Variants in DIPK1A observed in about 807,000 individuals in gnomAD.
DIPK1A encodes the protein family with sequence similarity 69 member A.
In DIPK1A, 27 loss-of-function variants were observed where a neutral mutation model predicts 40.8. That is an observed-to-expected ratio of 0.66 (90% confidence interval 0.49 to 0.91). The LOEUF (loss-of-function observed/expected upper bound fraction) is 0.91. DIPK1A is among the 40% of genes least tolerant of loss of function. The probability of loss-of-function intolerance (pLI) is 0.00; values close to 1 mark genes in which losing one functional copy is unlikely to be tolerated. For synonymous variants in DIPK1A, 166 were observed against 171.3 expected (o/e 0.97, Z 0.24); for missense variants, 412 against 505.7 (o/e 0.81, Z 1.78).
intron 2 of DIPK1A, among the ~76,000 whole-genome samples, chr1:92,859,811 C>G (rs1478319457): frequency 6.6e-6 from 1 of 152,190 alleles, no homozygotes; most frequent in Non-Finnish European, 1.5e-5. Flanking sequence ...TCAAGCAATC[C>G]TCCCACCTCA....
chr1:92,891,751 T>A (rs1043197118), intron 1 of DIPK1A, among the ~76,000 whole-genome samples: 4 of 152,184 alleles, frequency 2.6e-5, no homozygotes, highest in African/African-American at 9.7e-5. Flanking sequence ...GGGAATTCCC[T>A]TTCCTAGCCA....
intron 1 of DIPK1A, among the ~76,000 whole-genome samples, chr1:92,916,280 G>A (rs1458001151): frequency 6.6e-6 from 1 of 150,722 alleles, no homozygotes; most frequent in Non-Finnish European, 1.5e-5. Flanking sequence ...TTAAAAAAAT[G>A]ATCAGATTTG....
At chr1:92,955,284 A>C (rs896526360) in intron 1 of DIPK1A, among the ~76,000 whole-genome samples, 1 of 152,244 alleles carries the variant, frequency 6.6e-6, no homozygotes, top group Admixed American at 6.5e-5. Flanking sequence ...ATTTATCCAA[A>C]CACACTGAAT....
At chr1:92,932,704 G>C (rs1650800455) in intron 1 of DIPK1A, 1 of 152,140 alleles carries the variant, frequency 6.6e-6, no homozygotes, top group South Asian at 2.1e-4. Context: ...ATCTGAAAAG[G>C]CTACATACAT....
chr1:92,936,418 G>A (rs1437575244), intron 1 of DIPK1A, among the ~76,000 whole-genome samples: 2 of 151,856 alleles, frequency 1.3e-5, no homozygotes, highest in Non-Finnish European at 1.5e-5. Flanking sequence ...ACCCGAGGTC[G>A]GGAGTTTGAG....
chr1:92,842,417 C>T lies in DIPK1A; in HGVS notation c.*966G>A, dbSNP rs569245704. 2.6e-5 allele frequency: 25 copies of T among 979,314 alleles called. No homozygotes were observed. Among genetic ancestry groups the T allele is most frequent in the East Asian group, 1.1e-4 (1 of 8,792 alleles). 60.7% of individuals were successfully genotyped at this position (979,314 alleles called of 1,614,324 possible). ...AAGGTACATGCCAAATCTGAGTATA[C>T]GTGTGAAAATAATATGAAAGAGGAG... On this transcript the variant is annotated 3_prime_UTR_variant, in exon 5 of 5. Coordinates refer to ENST00000370310, the MANE Select transcript of DIPK1A (RefSeq NM_001006605.5).
Position 92,842,981 on chromosome 1 carries a change from TTAGTAA to T in DIPK1A, c.*396_*401del, listed in dbSNP as rs1687435492. Reference sequence around the variant, plus strand: ...GTGCAAACTTTACCATGCTAAGACATTAGTAAATTTATAAATTTTCTTGTTGAACAG... The same window carrying T: ...GTGCAAACTTTACCATGCTAAGACATATTTATAAATTTTCTTGTTGAACAG... On this transcript the variant is annotated 3_prime_UTR_variant, in exon 5 of 5. Transcript: ENST00000370310. 1 of 994,268 alleles carries T rather than the reference TTAGTAA, an allele frequency of 1.0e-6. No homozygotes were observed. The highest frequency in any genetic ancestry group is 1.2e-6 in the Non-Finnish European group (1 of 835,696). 61.6% of individuals were successfully genotyped at this position (994,268 alleles called of 1,614,324 possible). A position where few individuals can be genotyped will look rare whatever the true frequency, so the allele number is the denominator to read the frequency against.
At chr1:92,878,601 A>ACGAGGT (rs1489106376) in intron 1 of DIPK1A, among the ~76,000 whole-genome samples, 1 of 152,172 alleles carries the variant, frequency 6.6e-6, no homozygotes, top group Non-Finnish European at 1.5e-5. Flanking sequence ...TGGGCGGATC[A>ACGAGGT]CGAGGTCAGG....
chr1:92,879,499 T>C (rs1383104102), intron 1 of DIPK1A, among the ~76,000 whole-genome samples: 1 of 152,148 alleles, frequency 6.6e-6, no homozygotes, highest in Non-Finnish European at 1.5e-5. Flanking sequence ...ATGCCAAACA[T>C]TTTTGAGAGG....
chr1:92,888,288 T>C (rs1648704729), intron 1 of DIPK1A, among the ~76,000 whole-genome samples: 1 of 152,122 alleles, frequency 6.6e-6, no homozygotes, highest in South Asian at 2.1e-4. Context: ...TCATGCAGCA[T>C]TTACCTTTTT....
intron 1 of DIPK1A, among the ~76,000 whole-genome samples, chr1:92,923,734 G>A (rs1409752019): frequency 6.6e-6 from 1 of 152,144 alleles, no homozygotes; most frequent in Admixed American, 6.6e-5. Context: ...TAGTGGAATC[G>A]TCTGCTCTAA....
At chr1:92,832,731 GTT>G (rs1365160831), downstream of DIPK1A, 1 of 439,540 alleles carries the variant, frequency 2.3e-6, no homozygotes, top group African/African-American at 2.0e-5. Flanking sequence ...CGCCGGATGA[GTT>G]TTTAATTATT....
Position 92,886,503 on chromosome 1 carries a change from C to T in DIPK1A, c.55-10073G>A, listed in dbSNP as rs376992735. 2.6e-5 allele frequency among the ~76,000 whole-genome samples: 4 copies of T among 152,050 alleles called. 1 individual carries two copies. Among genetic ancestry groups the T allele is most frequent in the African/African-American group, 9.6e-5 (4 of 41,500 alleles). On this transcript the variant is annotated intron_variant, in intron 1 of 4. Transcript: ENST00000370310. ...ACCCATACTGTAAAATGTTATACAT[C>T]CACTTAAATATCAATTTTTTTTTTG...
chr1:92,923,009 C>A (rs1287700309), intron 1 of DIPK1A, among the ~76,000 whole-genome samples: 1 of 152,136 alleles, frequency 6.6e-6, no homozygotes, highest in Non-Finnish European at 1.5e-5. Flanking sequence ...CAGGGTGAAT[C>A]CTGCTTTTAA....
intron 1 of DIPK1A, among the ~76,000 whole-genome samples, chr1:92,911,216 C>T (rs939250693): frequency 6.6e-6 from 1 of 152,148 alleles, no homozygotes; most frequent in Non-Finnish European, 1.5e-5. Context: ...GGGGAGGTGA[C>T]TAAAACATGG....
At chr1:92,909,608 T>C (rs889811022) in intron 1 of DIPK1A, among the ~76,000 whole-genome samples, 1 of 152,082 alleles carries the variant, frequency 6.6e-6, no homozygotes, top group Admixed American at 6.6e-5. Context: ...AATATGTATA[T>C]CCAGGAATTG....
At chr1:92,852,071 G>C (rs895466854) in intron 2 of DIPK1A, among the ~76,000 whole-genome samples, 1 of 152,146 alleles carries the variant, frequency 6.6e-6, no homozygotes, top group African/African-American at 2.4e-5. Context: ...GTTGCTTCCC[G>C]CACATGGCTG....
At chr1:92,924,204 G>C (rs1650389384) in intron 1 of DIPK1A, among the ~76,000 whole-genome samples, 1 of 151,858 alleles carries the variant, frequency 6.6e-6, no homozygotes, top group African/African-American at 2.4e-5. Context: ...TCAAGACTTT[G>C]TTAAATTTAC....
At chr1:92,896,065 A>G (rs1649151001) in intron 1 of DIPK1A, among the ~76,000 whole-genome samples, 1 of 152,214 alleles carries the variant, frequency 6.6e-6, no homozygotes, top group South Asian at 2.1e-4. Flanking sequence ...ATATCGTAAA[A>G]ATGGCCATAC....
Sources: allele counts gnomAD v4.1 joint callset (sites outside exome capture counted in the v4.1 genomes callset), GRCh38; gene constraint gnomAD v4.1.1; transcripts MANE v1.5; gene names NCBI Gene and HGNC (gene_info 2026-07-23, HGNC 2026-07-21).